Variants in RDH16 observed in about 807,000 individuals in gnomAD.
RDH16 encodes the protein human epidermal retinol dehydrogenase.
In RDH16, 25 loss-of-function variants were observed where a neutral mutation model predicts 22.3. The observed-to-expected ratio is 1.12, with a 90% CI of 0.82 to 1.56. The LOEUF (loss-of-function observed/expected upper bound fraction) is 1.56. Ranked by LOEUF, RDH16 falls within the 40% of genes most tolerant of loss-of-function variation. RDH16 has a pLI of 0.00. For synonymous variants in RDH16, 154 were observed against 164.4 expected (o/e 0.94, Z 0.48); for missense variants, 413 against 394.9 (o/e 1.05, Z -0.39).
rs1276440879 is a variant in RDH16 at position 56,957,260 on chromosome 12, T to C, written c.203A>G (p.Gln68Arg). 1 of 1,614,214 alleles carries C rather than the reference T, an allele frequency of 6.2e-7. No homozygotes were observed. The highest frequency in any genetic ancestry group is 1.1e-5 in the South Asian group (1 of 91,084). Residue 68 changes from glutamine (Q) to arginine (R), a missense_variant, in exon 1 of 4, where the codon CAG becomes CGG. Coordinates refer to ENST00000398138, the MANE Select transcript of RDH16 (RefSeq NM_003708.5). The part of the protein sequence containing the change: ...AACLTEKGAE[Q>R]LRGQTSDRLE... ...CCTGTCTGAAGTCTGGCCCCTCAGC[T>C]GCTCGGCTCCTTTCTCCGTCAGACA...
intron 2 of RDH16, among the ~76,000 whole-genome samples, chr12:56,953,402 G>A (rs1955900712): frequency 6.6e-6 from 1 of 152,216 alleles, no homozygotes; most frequent in South Asian, 2.1e-4. Flanking sequence ...AGAAGCATCT[G>A]TCTTCAGTCT....
intron 2 of RDH16, 57 bp downstream of exon 2, chr12:56,954,849 C>G: frequency 6.3e-7 from 1 of 1,591,070 alleles, no homozygotes; most frequent in East Asian, 2.2e-5. Context: ...CTGGAAAAGA[C>G]TTCCCCACAA....
chr12:56,953,086 G>C, intron 2 of RDH16, 96 bp from the exon 3 acceptor site: 2 of 1,093,112 alleles, frequency 1.8e-6, no homozygotes, highest in Non-Finnish European at 2.6e-6. Context: ...AACATATGAG[G>C]ACAATGGGTA....
At position 56,952,837 on chromosome 12, in the gene RDH16, A is replaced by G; in HGVS notation, c.726T>C (p.Phe242=). The G allele has an allele frequency of 6.2e-7, 1 of 1,612,902 alleles. No individual in the cohort carries two copies. The highest frequency in any genetic ancestry group is 2.2e-5 in the East Asian group (1 of 44,884). The part of the protein sequence containing the change: ...PEVKEAYGEK[F]VADYKKSAEQ... ...CCACAGCTTACTCACAGTCTGCAAC[A>G]AACTTCTCGCCATAGGCCTCCTTGA... The change falls in exon 3 of 4, where the codon TTT becomes TTC. Residue 242 remains phenylalanine (F), a synonymous_variant. Transcript: ENST00000398138.
chr12:56,957,430 C>A lies in RDH16; in HGVS notation c.33G>T (p.Leu11=). Residue 11 remains leucine (L), a synonymous_variant, in exon 1 of 4, where the codon CTG becomes CTT. Coordinates refer to ENST00000398138, the MANE Select transcript of RDH16 (RefSeq NM_003708.5). ...CCCGGTACCAGTGCAGAAGGTAGTACAGGCCCACGAAAACCGCCAGGTAGA... is the reference window on the plus strand; with the variant it reads ...CCCGGTACCAGTGCAGAAGGTAGTAAAGGCCCACGAAAACCGCCAGGTAGA... MWLYLAVFVG[L]YYLLHWYRER... is the part of the protein sequence containing the mutation. 6.2e-7 allele frequency: 1 copy of A among 1,613,434 alleles called. No homozygotes were observed. Among genetic ancestry groups the A allele is most frequent in the South Asian group, 1.1e-5 (1 of 91,042 alleles).
At position 56,952,271 on chromosome 12, in the gene RDH16, T is replaced by C. The variant is rs369086541; in HGVS notation, c.737-25A>G. 2.5e-6 allele frequency: 4 copies of C among 1,606,664 alleles called. No homozygotes were observed. The African/African-American group carries it at 4.0e-5, about 16-fold the overall frequency. ...TCTGTTAAGAATCAGAAACAATCCA[T>C]GTATATTTCCACCTCTAACCGCTCC... On this transcript the variant is annotated intron_variant, in intron 3 of 3. Transcript: ENST00000398138.
intron 1 of RDH16, among the ~76,000 whole-genome samples, 176 bp downstream of exon 1, chr12:56,956,974 G>A (rs1390762531): frequency 1.3e-5 from 2 of 152,146 alleles, no homozygotes; most frequent in Non-Finnish European, 2.9e-5. Flanking sequence ...TGTCGGGAGA[G>A]GTTAAGGATT....
At position 56,955,133 on chromosome 12, in the gene RDH16, G is replaced by A; in HGVS notation, c.345C>T (p.Ile115=). The change falls in exon 2 of 4, where the codon ATC becomes ATT. Residue 115 remains isoleucine, a synonymous_variant. Coordinates refer to ENST00000398138, the MANE Select transcript of RDH16 (RefSeq NM_003708.5). ...ACTCATTGGGAGCCGTGGGCAAGGA[G>A]ATGCCAGCATTATTCACCAGGCCCC... ...GLWGLVNNAG[I]SLPTAPNELL... 3.1e-6 allele frequency: 5 copies of A among 1,614,144 alleles called. No individual in the cohort carries two copies. The highest frequency in any genetic ancestry group is 4.2e-6 in the Non-Finnish European group (5 of 1,180,038).
Position 56,954,933 on chromosome 12 carries a change from C to T in RDH16, c.545G>A (p.Gly182Asp), listed in dbSNP as rs1456744010. The change falls in exon 2 of 4, where the codon GGC becomes GAC. Residue 182 changes from glycine (G) to aspartate (D), a missense_variant. Transcript: ENST00000398138. ...FGGGYCISKY[G>D]VEAFSDSLRR... ...GAGGGAGTCAGAGAAGGCTTCCACG[C>T]CATACTTGGAGATGCAGTAGCCTCC... is the stretch of plus-strand genomic sequence containing the variant. 2 of 1,614,158 alleles carry T rather than the reference C, an allele frequency of 1.2e-6. No individual in the cohort carries two copies. The highest frequency in any genetic ancestry group is 2.2e-5 in the East Asian group (1 of 44,880).
chr12:56,953,961 G>A (rs1380846138), intron 2 of RDH16, among the ~76,000 whole-genome samples: 2 of 152,200 alleles, frequency 1.3e-5, no homozygotes, highest in African/African-American at 2.4e-5. Context: ...TGGCCACTTG[G>A]ACAAGGGCCT....
In RDH16 at chr12:56,957,424, G is replaced by A; in HGVS notation, c.39C>T (p.Tyr13=). The change falls in exon 1 of 4, where the codon TAC becomes TAT. Residue 13 remains tyrosine, a synonymous_variant. Coordinates refer to ENST00000398138, the MANE Select transcript of RDH16 (RefSeq NM_003708.5). ...LYLAVFVGLY[Y]LLHWYRERQV... ...GCCTCTCCCGGTACCAGTGCAGAAG[G>A]TAGTACAGGCCCACGAAAACCGCCA... is the stretch of plus-strand genomic sequence containing the variant. 1.2e-6 allele frequency: 2 copies of A among 1,613,936 alleles called. No individual in the cohort carries two copies. The highest frequency in any genetic ancestry group is 1.7e-6 in the Non-Finnish European group (2 of 1,179,876).
chr12:56,957,551 C>G lies in RDH16; in HGVS notation c.-89G>C. The G allele has an allele frequency of 7.0e-7, 1 of 1,429,408 alleles. No individual in the cohort carries two copies. The highest frequency in any genetic ancestry group is 2.3e-5 in the East Asian group (1 of 43,488). The allele number at this position is 1,429,408 out of a possible 1,614,324, so 88.5% of individuals were successfully genotyped here. A position where few individuals can be genotyped will look rare whatever the true frequency, so the allele number is the denominator to read the frequency against. ...CAGGAGGATTTAAGAACACAGAGGG[C>G]TGTGGTAGGCAGGGAAGCCCTCAGG... On this transcript the variant is annotated 5_prime_UTR_variant, in exon 1 of 4. Transcript: ENST00000398138.
chr12:56,952,275 T>C, intron 3 of RDH16, 29 bp from the exon 4 acceptor site: 1 of 1,600,608 alleles, frequency 6.2e-7, no homozygotes, highest in Non-Finnish European at 8.5e-7. Flanking sequence ...AATCCATGTA[T>C]ATTTCCACCT....
chr12:56,957,550 G>T lies in RDH16; in HGVS notation c.-88C>A. On this transcript the variant is annotated 5_prime_UTR_variant, in exon 1 of 4. Transcript: ENST00000398138. ...ACAGGAGGATTTAAGAACACAGAGG[G>T]CTGTGGTAGGCAGGGAAGCCCTCAG... 7.0e-7 allele frequency: 1 copy of T among 1,426,566 alleles called. No homozygotes were observed. The highest frequency in any genetic ancestry group is 9.5e-7 in the Non-Finnish European group (1 of 1,050,858). 88.4% of individuals were successfully genotyped at this position (1,426,566 alleles called of 1,614,324 possible).
chr12:56,957,235 C>A lies in RDH16; in HGVS notation c.228G>T (p.Arg76Ser). The A allele has an allele frequency of 1.9e-6, 3 of 1,614,194 alleles. No homozygotes were observed. Among genetic ancestry groups the A allele is most frequent in the Non-Finnish European group, 2.5e-6 (3 of 1,180,026 alleles). The change falls in exon 1 of 4, where the codon AGG becomes AGT. Residue 76 changes from arginine (R) to serine (S), a missense_variant. Transcript: ENST00000398138. ...AEQLRGQTSDRLETVTLDVTK... is the reference protein window; with the variant it reads ...AEQLRGQTSDSLETVTLDVTK... ...TAACATCCAGGGTCACCGTCTCCAGCCTGTCTGAAGTCTGGCCCCTCAGCT... is the reference window on the plus strand; with the variant it reads ...TAACATCCAGGGTCACCGTCTCCAGACTGTCTGAAGTCTGGCCCCTCAGCT...
At chr12:56,954,796 G>A in intron 2 of RDH16, 110 bp downstream of exon 2, 2 of 1,148,262 alleles carry the variant, frequency 1.7e-6, no homozygotes, top group Non-Finnish European at 2.5e-6. Flanking sequence ...GACAGAGAGT[G>A]ATCTCATGAA....
chr12:56,955,697 G>C (rs703820), intron 1 of RDH16, among the ~76,000 whole-genome samples: 228 of 152,190 alleles, frequency 1.5e-3, no homozygotes, highest in African/African-American at 5.2e-3. Flanking sequence ...GAAACATCCT[G>C]TTTCCCAAGT....
At chr12:56,953,501 C>A (rs765719963) in intron 2 of RDH16, among the ~76,000 whole-genome samples, 2 of 152,184 alleles carry the variant, frequency 1.3e-5, no homozygotes, top group African/African-American at 4.8e-5. Context: ...GAGCAAATCC[C>A]TTTTCTGGAG....
Position 56,957,422 on chromosome 12 carries a change from A to T in RDH16, c.41T>A (p.Leu14His). ...CTGCCTCTCCCGGTACCAGTGCAGA[A>T]GGTAGTACAGGCCCACGAAAACCGC... The part of the protein sequence containing the change: ...YLAVFVGLYY[L>H]LHWYRERQVL... The change falls in exon 1 of 4, where the codon CTT (leucine) becomes CAT (histidine). Residue 14 changes from leucine (L) to histidine (H), a missense_variant. Leu to His is a moderately conservative substitution (Grantham distance 99, BLOSUM62 -3). Coordinates refer to ENST00000398138, the MANE Select transcript of RDH16 (RefSeq NM_003708.5). 6.2e-7 allele frequency: 1 copy of T among 1,613,968 alleles called. No homozygotes were observed. The highest frequency in any genetic ancestry group is 8.5e-7 in the Non-Finnish European group (1 of 1,179,884).
Sources: allele counts gnomAD v4.1 joint callset (sites outside exome capture counted in the v4.1 genomes callset), GRCh38; gene constraint gnomAD v4.1.1; transcripts MANE v1.5; gene names NCBI Gene and HGNC (gene_info 2026-07-23, HGNC 2026-07-21).